The following ZFPM2 variants were observed in gnomAD, a reference collection of about 807,000 sequenced individuals.
ZFPM2 encodes the protein zinc finger protein, FOG family member 2.
ZFPM2 carries 20 observed loss-of-function variants against 98.6 expected under a neutral mutation model. The ratio of observed to expected loss-of-function variants is 0.20; its 90% confidence interval spans 0.14 to 0.29. The LOEUF is 0.29. ZFPM2 is among the 10% of genes least tolerant of loss of function. The pLI, the probability that ZFPM2 is intolerant of heterozygous loss-of-function variation, is 1.00. For missense variants in ZFPM2, 1,310 were observed against 1,388.6 expected (o/e 0.94, Z 0.90); for synonymous variants, 518 against 502.7 (o/e 1.03, Z -0.41).
intron 3 of ZFPM2, among the ~76,000 whole-genome samples, chr8:105,491,196 T>C (rs1486747388): frequency 1.3e-5 from 2 of 152,204 alleles, no homozygotes; most frequent in Admixed American, 6.5e-5. Context: ...CATTGTATTT[T>C]ACTCTTGCTC....
At chr8:105,322,433 A>AGGAAGAGGTG (rs771955036) in intron 1 of ZFPM2, among the ~76,000 whole-genome samples, 150 of 145,830 alleles carry the variant, frequency 1.0e-3, no homozygotes, top group Non-Finnish European at 1.5e-3. Context: ...CTATGGGTGC[A>AGGAAGAGGTG]GGAAGAGGTG....
chr8:105,652,240 C>T (rs866423354), intron 5 of ZFPM2, among the ~76,000 whole-genome samples: 4 of 99,134 alleles, frequency 4.0e-5, no homozygotes, highest in Admixed American at 2.0e-4. Context: ...TGCTCTAATA[C>T]CTGAAATTGG....
chr8:105,588,069 T>C (rs1815762993), intron 4 of ZFPM2, among the ~76,000 whole-genome samples: 1 of 152,222 alleles, frequency 6.6e-6, no homozygotes, highest in African/African-American at 2.4e-5. Flanking sequence ...AAATTTTTTT[T>C]CCTGGCTAAT....
intron 1 of ZFPM2, among the ~76,000 whole-genome samples, chr8:105,348,714 A>G (rs575274441): frequency 3.9e-5 from 6 of 152,320 alleles, no homozygotes; most frequent in East Asian, 3.9e-4. Flanking sequence ...TAAACCAATA[A>G]AAGTCTTATT....
intron 5 of ZFPM2, chr8:105,787,385 C>CG (rs955149015): frequency 3.3e-5 from 5 of 152,236 alleles, no homozygotes; most frequent in Admixed American, 2.6e-4. Context: ...AATTTGGGGT[C>CG]TGTAGTCTTA....
At chr8:105,701,147 G>A (rs1811132114) in intron 5 of ZFPM2, among the ~76,000 whole-genome samples, 1 of 152,092 alleles carries the variant, frequency 6.6e-6, no homozygotes, top group African/African-American at 2.4e-5. Context: ...CTTGGAATGG[G>A]AATAGAGAAA....
intron 5 of ZFPM2, among the ~76,000 whole-genome samples, chr8:105,679,692 G>A (rs906104888): frequency 2.6e-5 from 4 of 151,862 alleles, no homozygotes; most frequent in African/African-American, 9.7e-5. Context: ...AGCTACTTGG[G>A]AGGCTGAGGT....
rs539917685 is a variant in ZFPM2, at chr8:105,764,380, T to C, written c.533-24338T>C. Among the ~76,000 whole-genome samples, 6 of 151,702 alleles carry C rather than the reference T, an allele frequency of 4.0e-5. No individual in the cohort carries two copies. The South Asian group carries it at 8.3e-4, about 21-fold the overall frequency. ...TCCAAAAATTAATTTGCAGAAGCAA[T>C]GTTTGCTGAATACACTCAGGATTTT... is the stretch of plus-strand genomic sequence containing the variant. On this transcript the variant is annotated intron_variant, in intron 5 of 7. Coordinates refer to ENST00000407775, the MANE Select transcript of ZFPM2 (RefSeq NM_012082.4).
intron 5 of ZFPM2, among the ~76,000 whole-genome samples, chr8:105,737,999 T>C (rs1232924500): frequency 1.3e-5 from 2 of 151,982 alleles, no homozygotes; most frequent in Admixed American, 6.6e-5. Flanking sequence ...AAAAAGCAGC[T>C]AAGTTTTTTT....
chr8:105,481,065 A>G (rs983288736), intron 3 of ZFPM2, among the ~76,000 whole-genome samples: 1 of 152,108 alleles, frequency 6.6e-6, no homozygotes, highest in African/African-American at 2.4e-5. Context: ...TACATTTTTT[A>G]AAAATCCAGT....
intron 1 of ZFPM2, among the ~76,000 whole-genome samples, chr8:105,322,168 C>A (rs1414604684): frequency 6.6e-6 from 1 of 152,100 alleles, no homozygotes; most frequent in Non-Finnish European, 1.5e-5. Context: ...CAGCTGCTCG[C>A]TGTTGTTGTT....
intron 4 of ZFPM2, among the ~76,000 whole-genome samples, chr8:105,591,260 GCAACAA>G (rs910350069): frequency 6.7e-6 from 1 of 148,968 alleles, no homozygotes; most frequent in Admixed American, 6.7e-5. Flanking sequence ...AAAAAAAAAA[GCAACAA>G]CAACAACAAA....
At chr8:105,450,724 G>A (rs554025646) in intron 3 of ZFPM2, among the ~76,000 whole-genome samples, 28 of 152,032 alleles carry the variant, frequency 1.8e-4, no homozygotes, top group African/African-American at 2.7e-4. Context: ...GTGTGCTCAC[G>A]TGTGTGTATT....
rs867150397 is a variant in ZFPM2, at chr8:105,607,226, A to G, written c.421-27020A>G. Reference sequence around the variant, plus strand: ...TTTACATGTCTTAATTATCTTCTCTAAAATTCCTCCTTCCTTCCATTAGTT... The same window carrying G: ...TTTACATGTCTTAATTATCTTCTCTGAAATTCCTCCTTCCTTCCATTAGTT... On this transcript the variant is annotated intron_variant, in intron 4 of 7. Coordinates refer to ENST00000407775, the MANE Select transcript of ZFPM2 (RefSeq NM_012082.4). Among the ~76,000 whole-genome samples, 14 of 152,264 alleles carry G rather than the reference A, an allele frequency of 9.2e-5. No individual in the cohort carries two copies. The South Asian group carries it at 1.2e-3, about 14-fold the overall frequency.
At chr8:105,666,854 G>A (rs2130896550) in intron 5 of ZFPM2, among the ~76,000 whole-genome samples, 1 of 151,996 alleles carries the variant, frequency 6.6e-6, no homozygotes, top group African/African-American at 2.4e-5. Context: ...TCTTGATGGA[G>A]CAATAAAATT....
At chr8:105,506,295 A>G (rs1210367332) in intron 3 of ZFPM2, among the ~76,000 whole-genome samples, 1 of 152,210 alleles carries the variant, frequency 6.6e-6, no homozygotes, top group Non-Finnish European at 1.5e-5. Flanking sequence ...TGTTTTGAAC[A>G]TATGAATTTC....
intron 4 of ZFPM2, among the ~76,000 whole-genome samples, chr8:105,577,109 A>G (rs911771725): frequency 1.3e-5 from 2 of 152,184 alleles, no homozygotes; most frequent in Admixed American, 6.5e-5. Context: ...ACATACAGCC[A>G]TAGAAGTCTT....
At chr8:105,691,389 C>T (rs551380069) in intron 5 of ZFPM2, among the ~76,000 whole-genome samples, 5 of 142,912 alleles carry the variant, frequency 3.5e-5, no homozygotes, top group African/African-American at 5.4e-5. Context: ...GCCGGGACTA[C>T]GGGCGCCCGC....
intron 3 of ZFPM2, among the ~76,000 whole-genome samples, chr8:105,548,702 C>T (rs1349005065): frequency 6.6e-6 from 1 of 152,158 alleles, no homozygotes; most frequent in Non-Finnish European, 1.5e-5. Context: ...AATCCTCCCT[C>T]TGAGATGCCA....
Sources: allele counts gnomAD v4.1 joint callset (sites outside exome capture counted in the v4.1 genomes callset), GRCh38; gene constraint gnomAD v4.1.1; transcripts MANE v1.5; gene names NCBI Gene and HGNC (gene_info 2026-07-23, HGNC 2026-07-21).